The following HMGXB3 variants were observed in gnomAD, a reference collection of about 807,000 sequenced individuals.
HMGXB3 encodes the protein HMG-box containing 3, also known as HMG domain-containing protein 3.
HMGXB3 carries 45 observed loss-of-function variants against 121.5 expected under a neutral mutation model. The ratio of observed to expected loss-of-function variants is 0.37; its 90% CI spans 0.29 to 0.47. The LOEUF (loss-of-function observed/expected upper bound fraction) is 0.47. HMGXB3 is among the 20% of genes least tolerant of loss of function. The pLI, the probability that HMGXB3 is intolerant of heterozygous loss-of-function variation, is 0.99. For synonymous variants in HMGXB3, 590 were observed against 624.1 expected (o/e 0.95, Z 0.81); for missense variants, 1,376 against 1,602.2 (o/e 0.86, Z 2.41).
intron 3 of HMGXB3, 29 bp from the exon 4 acceptor site, chr5:150,010,082 C>T: frequency 1.3e-6 from 2 of 1,537,878 alleles, no homozygotes; most frequent in Non-Finnish European, 1.8e-6. Flanking sequence ...CTCTGCTTGT[C>T]TCCCCCTTCC....
intron 13 of HMGXB3, among the ~76,000 whole-genome samples, chr5:150,039,269 A>G (rs1483730079): frequency 6.6e-6 from 1 of 152,196 alleles, no homozygotes. Context: ...TGAATCTTCC[A>G]GTCCATAGTC....
intron 7 of HMGXB3, 128 bp from the exon 8 acceptor site, chr5:150,026,578 T>C (rs1756234760): frequency 1.3e-5 from 10 of 749,366 alleles, no homozygotes; most frequent in Non-Finnish European, 2.1e-5. Context: ...GAATTTGAAC[T>C]CAATCTGTCT....
chr5:150,052,307 C>A lies in HMGXB3; in HGVS notation c.*115C>A. 2.5e-6 allele frequency: 2 copies of A among 798,280 alleles called. No homozygotes were observed. Among genetic ancestry groups the A allele is most frequent in the Admixed American group, 2.7e-5 (1 of 36,574 alleles). The allele number at this position is 798,280 out of a possible 1,614,324, so 49.4% of individuals were successfully genotyped here. A position where few individuals can be genotyped will look rare whatever the true frequency, so the allele number is the denominator to read the frequency against. On this transcript the variant is annotated 3_prime_UTR_variant, in exon 20 of 20. Transcript: ENST00000502717. ...GGTCTCCTGTGGGGAGGGCCTCTGA[C>A]TGCTGGGACTGACCAAAGAGCTTCC...
intron 16 of HMGXB3, among the ~76,000 whole-genome samples, chr5:150,046,588 G>A (rs991571885): frequency 3.8e-4 from 58 of 152,056 alleles, no homozygotes; most frequent in African/African-American, 9.4e-4. Context: ...CCAGGCGGGC[G>A]GATCACGAGG....
At chr5:150,043,695 C>T (rs1341536381) in intron 15 of HMGXB3, among the ~76,000 whole-genome samples, 1 of 152,112 alleles carries the variant, frequency 6.6e-6, no homozygotes, top group Non-Finnish European at 1.5e-5. Flanking sequence ...ATTACTATGC[C>T]AAGTTCTTAA....
intron 9 of HMGXB3, among the ~76,000 whole-genome samples, chr5:150,027,493 A>G (rs899343491): frequency 6.6e-6 from 1 of 152,062 alleles, no homozygotes; most frequent in Non-Finnish European, 1.5e-5. Flanking sequence ...TGTGTGTAAA[A>G]TACACATTAT....
At chr5:150,015,162 G>T in intron 5 of HMGXB3, 1 of 306,622 alleles carries the variant, frequency 3.3e-6, no homozygotes, top group South Asian at 7.5e-5. Flanking sequence ...AGGGCACGAT[G>T]ACAGTCGTTA....
intron 10 of HMGXB3, 97 bp from the exon 11 acceptor site, chr5:150,032,357 C>T (rs887660561): frequency 9.3e-6 from 11 of 1,185,000 alleles, no homozygotes; most frequent in African/African-American, 1.5e-5. Flanking sequence ...TTGCCACTCT[C>T]TTCTCTGATT....
At chr5:150,021,302 C>T (rs1756087853) in intron 6 of HMGXB3, among the ~76,000 whole-genome samples, 2 of 152,198 alleles carry the variant, frequency 1.3e-5, no homozygotes, top group South Asian at 4.1e-4. Flanking sequence ...TACTTCAACT[C>T]TTTTGAGTTT....
At chr5:150,011,847 G>A (rs1755848430) in intron 4 of HMGXB3, among the ~76,000 whole-genome samples, 2 of 151,968 alleles carry the variant, frequency 1.3e-5, no homozygotes, top group African/African-American at 2.4e-5. Context: ...CCTGACCTCA[G>A]GTGATCCGCC....
intron 3 of HMGXB3, among the ~76,000 whole-genome samples, chr5:150,007,266 A>G (rs1465815983): frequency 2.6e-5 from 4 of 152,208 alleles, no homozygotes; most frequent in Non-Finnish European, 5.9e-5. Flanking sequence ...GCATTTTCTT[A>G]TTTCTAGTTC....
At chr5:150,005,460 G>A (rs1016650009) in intron 2 of HMGXB3, among the ~76,000 whole-genome samples, 27 of 151,986 alleles carry the variant, frequency 1.8e-4, no homozygotes, top group African/African-American at 5.8e-4. Flanking sequence ...TTAGCCGGGC[G>A]TGGTGGCGCA....
At chr5:150,018,464 A>G in intron 5 of HMGXB3, 102 bp from the exon 6 acceptor site, 2 of 948,728 alleles carry the variant, frequency 2.1e-6, no homozygotes, top group Non-Finnish European at 2.9e-6. Context: ...TGAATTGGTT[A>G]TCTTTCCACA....
In HMGXB3 at chr5:150,052,631, T is replaced by C. The variant is rs1423783030; in HGVS notation, c.*439T>C. On this transcript the variant is annotated 3_prime_UTR_variant, in exon 20 of 20. Transcript: ENST00000502717. ...CAGCCCCCTCAGTCTGATGAATTGC[T>C]TAGCCTGTTGCCTTTGACTAGGGGC... 1.2e-5 allele frequency: 2 copies of C among 171,068 alleles called. No individual in the cohort carries two copies. The highest frequency in any genetic ancestry group is 2.4e-5 in the African/African-American group (1 of 41,972). The allele number at this position is 171,068 out of a possible 1,614,324, so 10.6% of individuals were successfully genotyped here. A position where few individuals can be genotyped will look rare whatever the true frequency, so the allele number is the denominator to read the frequency against.
intron 1 of HMGXB3, among the ~76,000 whole-genome samples, chr5:150,004,036 A>G (rs546303961): frequency 3.5e-4 from 53 of 149,914 alleles, no homozygotes; most frequent in African/African-American, 1.3e-3. Context: ...ATTAAAAAAG[A>G]TTTTTATTTT....
chr5:150,033,049 T>C (rs1487616544), intron 11 of HMGXB3, among the ~76,000 whole-genome samples: 3 of 152,194 alleles, frequency 2.0e-5, no homozygotes, highest in Non-Finnish European at 4.4e-5. Flanking sequence ...TAATCAAAGC[T>C]TTATTTCTAG....
At chr5:150,001,638 C>T (rs1213740097) in intron 1 of HMGXB3, among the ~76,000 whole-genome samples, 2 of 152,172 alleles carry the variant, frequency 1.3e-5, no homozygotes, top group Non-Finnish European at 2.9e-5. Flanking sequence ...GATTTTCTGT[C>T]CTCTAGAGCC....
rs115954613 is a variant in HMGXB3 at position 150,044,866 on chromosome 5, A to G, written c.2731-600A>G. 4.0e-3 allele frequency among the ~76,000 whole-genome samples: 613 copies of G among 152,340 alleles called. 3 individuals are homozygous for G. Among genetic ancestry groups the G allele is most frequent in the African/African-American group, 0.013 (533 of 41,584 alleles). ...AAATTGAGTAGCACAAGCGCTATTA[A>G]TAGATGTCTATAAGAGATAAGTAAA... On this transcript the variant is annotated intron_variant, in intron 15 of 19. Coordinates refer to ENST00000502717, the MANE Select transcript of HMGXB3 (RefSeq NM_014983.3).
Position 150,028,543 on chromosome 5 carries a change from A to G in HMGXB3, c.1734+1426A>G, listed in dbSNP as rs28843099. On this transcript the variant is annotated intron_variant, in intron 9 of 19. Coordinates refer to ENST00000502717, the MANE Select transcript of HMGXB3 (RefSeq NM_014983.3). ...TGTGTGTGTGTGTGTGTGTGTGTGT[A>G]TATATATATATATATATTTTTTTTT... is the stretch of plus-strand genomic sequence containing the variant. Among the ~76,000 whole-genome samples the G allele has an allele frequency of 9.3e-3, 370 of 39,822 alleles. 2 individuals are homozygous for G. Among genetic ancestry groups the G allele is most frequent in the South Asian group, 0.027 (34 of 1,244 alleles). The allele number at this position is 39,822 out of a possible 152,430, so 26.1% of individuals were successfully genotyped here.
Sources: gnomAD v4.1 joint callset for allele counts (sites outside exome capture counted in the v4.1 genomes callset) on GRCh38, gnomAD v4.1.1 for gene constraint, MANE v1.5 for transcripts, NCBI Gene and HGNC (gene_info 2026-07-23, HGNC 2026-07-21) for gene names.